The following TDRD3 variants were observed in gnomAD, a reference collection of about 807,000 sequenced individuals.
TDRD3 encodes the protein tudor domain-containing protein 3.
Under a neutral mutation model 86.7 loss-of-function variants are expected in TDRD3, and 45 were observed. That is an observed-to-expected ratio of 0.52 (90% CI 0.41 to 0.67). TDRD3 has a LOEUF of 0.67. Among genes scored for constraint, TDRD3 ranks in the 30% least tolerant of loss-of-function variants. The probability of loss-of-function intolerance (pLI) is 0.00; values close to 1 mark genes in which losing one functional copy is unlikely to be tolerated. For missense variants in TDRD3, 814 were observed against 889.0 expected, an observed-to-expected ratio of 0.92 and a Z score of 1.07; for synonymous variants, 298 against 301.7, an observed-to-expected ratio of 0.99 and a Z score of 0.13.
chr13:60,397,443 GC>G, intron 1 of TDRD3, 38 bp downstream of exon 1: 1 of 1,473,748 alleles, frequency 6.8e-7, no homozygotes, highest in Non-Finnish European at 9.0e-7. Context: ...GGCCGCGGGT[GC>G]GGGCCGGGGC....
intron 1 of TDRD3, among the ~76,000 whole-genome samples, chr13:60,416,811 A>C (rs1325804469): frequency 6.6e-6 from 1 of 152,140 alleles, no homozygotes; most frequent in Non-Finnish European, 1.5e-5. Context: ...TAGTGTCTTA[A>C]AATTCACTAT....
intron 2 of TDRD3, among the ~76,000 whole-genome samples, chr13:60,443,844 C>T (rs141334294): frequency 2.0e-4 from 30 of 152,064 alleles, no homozygotes; most frequent in African/African-American, 6.5e-4. Flanking sequence ...ATGCTAATCT[C>T]ACTATCTCAA....
At chr13:60,432,720 G>A (rs1954984328) in intron 1 of TDRD3, among the ~76,000 whole-genome samples, 1 of 152,094 alleles carries the variant, frequency 6.6e-6, no homozygotes, top group South Asian at 2.1e-4. Flanking sequence ...TATTTGCTAA[G>A]ATCAAAAATA....
chr13:60,504,962 TG>T (rs1312717989), intron 8 of TDRD3, among the ~76,000 whole-genome samples: 2 of 152,218 alleles, frequency 1.3e-5, no homozygotes, highest in African/African-American at 4.8e-5. Flanking sequence ...GAGATTCCCT[TG>T]GGTGCTCATG....
At chr13:60,531,657 G>T (rs1411483105) in intron 11 of TDRD3, among the ~76,000 whole-genome samples, 2 of 152,034 alleles carry the variant, frequency 1.3e-5, no homozygotes, top group Non-Finnish European at 2.9e-5. Flanking sequence ...ATTAAAACAG[G>T]CAACCCTTAC....
At chr13:60,530,635 A>G (rs1256153353) in intron 11 of TDRD3, among the ~76,000 whole-genome samples, 1 of 148,248 alleles carries the variant, frequency 6.7e-6, no homozygotes. Context: ...TTTTTTTTTA[A>G]GTAGAGACAG....
At chr13:60,488,597 A>G (rs982574513) in intron 7 of TDRD3, among the ~76,000 whole-genome samples, 6 of 152,054 alleles carry the variant, frequency 3.9e-5, no homozygotes, top group Admixed American at 1.3e-4. Context: ...TATTTTTGAC[A>G]GAGTCTTGCT....
intron 4 of TDRD3, among the ~76,000 whole-genome samples, chr13:60,464,519 T>TTGAA (rs1672568986): frequency 6.6e-6 from 1 of 152,062 alleles, no homozygotes; most frequent in South Asian, 2.1e-4. Flanking sequence ...GCATCATTGG[T>TTGAA]TGAATGGATA....
intron 11 of TDRD3, among the ~76,000 whole-genome samples, chr13:60,530,705 T>A: frequency 6.6e-6 from 1 of 151,736 alleles, no homozygotes; most frequent in Non-Finnish European, 1.5e-5. Context: ...TCCACCCGCC[T>A]CGGCGTCCTA....
chr13:60,449,749 T>C (rs1289504076), intron 3 of TDRD3, among the ~76,000 whole-genome samples: 5 of 152,016 alleles, frequency 3.3e-5, no homozygotes, highest in Non-Finnish European at 7.4e-5. Context: ...GATCTTCTAG[T>C]AAATATACAA....
intron 5 of TDRD3, among the ~76,000 whole-genome samples, chr13:60,470,237 G>C (rs1391645658): frequency 6.6e-6 from 1 of 152,152 alleles, no homozygotes; most frequent in African/African-American, 2.4e-5. Context: ...AGGTTGGATA[G>C]TACTCTATAT....
chr13:60,404,311 CTTTT>C (rs750395505), intron 1 of TDRD3, among the ~76,000 whole-genome samples: 3 of 135,480 alleles, frequency 2.2e-5, no homozygotes, highest in African/African-American at 5.4e-5. Context: ...GGTTTGTTTG[CTTTT>C]TTTTTTTTTT....
At chr13:60,407,360 A>G (rs1954259964) in intron 1 of TDRD3, among the ~76,000 whole-genome samples, 1 of 152,240 alleles carries the variant, frequency 6.6e-6, no homozygotes, top group African/African-American at 2.4e-5. Context: ...TGTGTCCTCA[A>G]GGGACATGAA....
chr13:60,462,601 G>T (rs1955825069), intron 4 of TDRD3, among the ~76,000 whole-genome samples: 2 of 152,014 alleles, frequency 1.3e-5, no homozygotes, highest in African/African-American at 4.8e-5. Flanking sequence ...ACCTTACATG[G>T]GCTTTGCATT....
rs1056205146 is a variant in TDRD3, at chr13:60,460,446, G to C, written c.259G>C (p.Glu87Gln). 4.4e-6 allele frequency: 7 copies of C among 1,604,082 alleles called. No individual in the cohort carries two copies. In the Admixed American group the frequency reaches 7.0e-5, roughly 16 times the overall value. The change falls in exon 4 of 14, where the codon GAA becomes CAA. Residue 87 changes from glutamate (E) to glutamine (Q), a missense_variant. Coordinates refer to ENST00000377881, the MANE Select transcript of TDRD3 (RefSeq NM_001146070.2). ...TGTTGCTGCACCAAAGGATAATGAA[G>C]AATCTCAGGCTGCACCAAGGATGCT... ...RNVAAPKDNEESQAAPRMLRL... is the reference protein window; with the variant it reads ...RNVAAPKDNEQSQAAPRMLRL...
chr13:60,502,151 C>T (rs950617994), intron 8 of TDRD3, among the ~76,000 whole-genome samples: 5 of 152,114 alleles, frequency 3.3e-5, no homozygotes, highest in African/African-American at 1.2e-4. Context: ...CCCAAATGAA[C>T]CTCTGGGTTA....
chr13:60,533,205 G>T (rs1462289621), intron 11 of TDRD3, among the ~76,000 whole-genome samples: 1 of 152,070 alleles, frequency 6.6e-6, no homozygotes, highest in East Asian at 1.9e-4. Flanking sequence ...GAAACACCGT[G>T]GATTCACTTA....
intron 5 of TDRD3, among the ~76,000 whole-genome samples, chr13:60,483,085 C>T (rs575760953): frequency 6.6e-5 from 10 of 152,130 alleles, no homozygotes; most frequent in African/African-American, 1.4e-4. Flanking sequence ...TTGCTTTTGC[C>T]AGAAGATTTT....
At chr13:60,495,729 A>G (rs905248822) in intron 8 of TDRD3, among the ~76,000 whole-genome samples, 5 of 152,076 alleles carry the variant, frequency 3.3e-5, no homozygotes, top group Admixed American at 6.5e-5. Context: ...CGGCCTCCCA[A>G]GGTGCTGGGA....
Sources: allele counts gnomAD v4.1 joint callset (sites outside exome capture counted in the v4.1 genomes callset), GRCh38; gene constraint gnomAD v4.1.1; transcripts MANE v1.5; gene names NCBI Gene and HGNC (gene_info 2026-07-23, HGNC 2026-07-21).